Variants in COX7B2 observed in about 807,000 individuals in gnomAD.
COX7B2 encodes the protein cytochrome c oxidase subunit 7B2, also known as cytochrome c oxidase subunit 7B2, mitochondrial.
For synonymous variants in COX7B2, 37 were observed against 32.1 expected (o/e 1.15, Z -0.51); for missense variants, 109 against 95.9 (o/e 1.14, Z -0.57).
chr4:46,773,616 A>G (rs960747584), intron 2 of COX7B2, among the ~76,000 whole-genome samples: 6 of 152,150 alleles, frequency 3.9e-5, no homozygotes, highest in African/African-American at 1.4e-4. Context: ...AATGTTGGGG[A>G]AAAATAAGCT....
rs181465161 is a variant in COX7B2, at chr4:46,868,799, C to T, written c.-104-23785G>A. On this transcript the variant is annotated intron_variant, in intron 1 of 2. Coordinates refer to ENST00000355591, the MANE Select transcript of COX7B2 (RefSeq NM_130902.3). ...ATTGTTTTATGTCCAATTATGTGGT[C>T]GGTTTTAGAGTAAGTGGCATGTGGC... Among the ~76,000 whole-genome samples, 11 of 152,122 alleles carry T rather than the reference C, an allele frequency of 7.2e-5. No homozygotes were observed. The South Asian group carries it at 1.3e-3, about 17-fold the overall frequency.
rs566216403 is a variant in COX7B2, at chr4:46,813,933, A to C, written c.-50+31027T>G. On this transcript the variant is annotated intron_variant, in intron 2 of 2. Coordinates refer to ENST00000355591, the MANE Select transcript of COX7B2 (RefSeq NM_130902.3). ...AGTGGCCAAGAAATATATGAAAAAA[A>C]GTTCAATATCGCTAATCCTCAGAGA... is the stretch of plus-strand genomic sequence containing the variant. Among the ~76,000 whole-genome samples, 28 of 152,306 alleles carry C rather than the reference A, an allele frequency of 1.8e-4. 1 individual carries two copies. The highest frequency in any genetic ancestry group is 6.0e-4 in the African/African-American group (25 of 41,592).
At chr4:46,750,745 A>C (rs1040410156) in intron 2 of COX7B2, among the ~76,000 whole-genome samples, 1 of 152,176 alleles carries the variant, frequency 6.6e-6, no homozygotes, top group African/African-American at 2.4e-5. Flanking sequence ...ATCAAGGTCC[A>C]GCAGGGTTGT....
intron 2 of COX7B2, among the ~76,000 whole-genome samples, chr4:46,794,146 A>C (rs1718199066): frequency 6.6e-6 from 1 of 152,238 alleles, no homozygotes; most frequent in African/African-American, 2.4e-5. Flanking sequence ...TGAAACAACT[A>C]CTTGAGTTTT....
chr4:46,751,832 A>G (rs1715399822), intron 2 of COX7B2, among the ~76,000 whole-genome samples: 1 of 149,838 alleles, frequency 6.7e-6, no homozygotes, highest in African/African-American at 2.4e-5. Context: ...GTAGTAGTAT[A>G]GTTTGAAGCC....
At chr4:46,858,997 C>A (rs116187221) in intron 1 of COX7B2, among the ~76,000 whole-genome samples, 1 of 152,252 alleles carries the variant, frequency 6.6e-6, no homozygotes, top group Non-Finnish European at 1.5e-5. Context: ...AAAGTCAGAA[C>A]CTCAAACTAG....
At chr4:46,832,139 A>G (rs1261661841) in intron 2 of COX7B2, among the ~76,000 whole-genome samples, 1 of 152,146 alleles carries the variant, frequency 6.6e-6, no homozygotes, top group Non-Finnish European at 1.5e-5. Flanking sequence ...CACACCGTGG[A>G]AGGTTTGTTC....
chr4:46,793,759 C>T (rs889214035), intron 2 of COX7B2, among the ~76,000 whole-genome samples: 3 of 152,186 alleles, frequency 2.0e-5, no homozygotes, highest in Non-Finnish European at 2.9e-5. Flanking sequence ...CCCCCAGCCT[C>T]ATAGGCCAGA....
intron 2 of COX7B2, among the ~76,000 whole-genome samples, chr4:46,822,304 G>A (rs897224537): frequency 6.6e-6 from 1 of 152,054 alleles, no homozygotes; most frequent in African/African-American, 2.4e-5. Context: ...CTAACATGGC[G>A]TAAGCCTCAA....
At chr4:46,888,649 T>C (rs10012295) in intron 1 of COX7B2, among the ~76,000 whole-genome samples, 38,972 of 151,952 alleles carry the variant, frequency 0.26, 5,429 homozygotes, top group East Asian at 0.38. Context: ...GGTTTCACCA[T>C]GTTAGTCAGG....
chr4:46,803,562 A>T (rs1718783402), intron 2 of COX7B2, among the ~76,000 whole-genome samples: 1 of 152,042 alleles, frequency 6.6e-6, no homozygotes, highest in Non-Finnish European at 1.5e-5. Context: ...CTATGTAATT[A>T]TATGCTTACA....
chr4:46,901,745 C>G (rs904171812), intron 1 of COX7B2, among the ~76,000 whole-genome samples: 2 of 152,192 alleles, frequency 1.3e-5, no homozygotes, highest in Non-Finnish European at 2.9e-5. Flanking sequence ...AGCCAACTCT[C>G]TCTCTCTTTA....
In COX7B2 at chr4:46,794,866, C is replaced by T. The variant is rs115910229; in HGVS notation, c.-50+50094G>A. ...TAAATTCTTTCTTGATCTGCAGAAG[C>T]AGAAAAGTTCAAGGTCAAGTGAACA... On this transcript the variant is annotated intron_variant, in intron 2 of 2. Coordinates refer to ENST00000355591, the MANE Select transcript of COX7B2 (RefSeq NM_130902.3). Among the ~76,000 whole-genome samples, 795 of 152,234 alleles carry T rather than the reference C, an allele frequency of 5.2e-3. 9 individuals carry two copies. Among genetic ancestry groups the T allele is most frequent in the African/African-American group, 0.018 (758 of 41,544 alleles).
intron 2 of COX7B2, among the ~76,000 whole-genome samples, chr4:46,786,732 T>C (rs1198662810): frequency 2.0e-5 from 3 of 152,076 alleles, no homozygotes; most frequent in East Asian, 3.9e-4. Context: ...ACTGACGAGA[T>C]TATGTCAGAT....
Position 46,829,100 on chromosome 4 carries a change from C to T in COX7B2, c.-50+15860G>A, listed in dbSNP as rs148549830. On this transcript the variant is annotated intron_variant, in intron 2 of 2. Transcript: ENST00000355591. ...GTCTTTCTGCATATTAAAATGGATA[C>T]AGCATTCCTTGGGAAACATCAAAGT... is the stretch of plus-strand genomic sequence containing the variant. Among the ~76,000 whole-genome samples the T allele has an allele frequency of 8.2e-3, 1,244 of 152,244 alleles. 18 individuals are homozygous for T. Among genetic ancestry groups the T allele is most frequent in the African/African-American group, 0.028 (1,184 of 41,556 alleles).
At chr4:46,842,649 G>A (rs1716011411) in intron 2 of COX7B2, among the ~76,000 whole-genome samples, 2 of 152,002 alleles carry the variant, frequency 1.3e-5, no homozygotes, top group Admixed American at 6.6e-5. Flanking sequence ...AGAACATGCG[G>A]TGTTTGGTTT....
At chr4:46,871,955 G>T (rs985408104) in intron 1 of COX7B2, among the ~76,000 whole-genome samples, 4 of 152,106 alleles carry the variant, frequency 2.6e-5, no homozygotes, top group African/African-American at 9.7e-5. Context: ...ATTCAACCCA[G>T]CAATCCTATT....
At chr4:46,903,369 T>C (rs1007915234) in intron 1 of COX7B2, among the ~76,000 whole-genome samples, 7 of 152,140 alleles carry the variant, frequency 4.6e-5, no homozygotes, top group African/African-American at 1.2e-4. Context: ...CGGTCAATGA[T>C]GGACTGTCCT....
chr4:46,737,756 G>A (rs1238821948), intron 2 of COX7B2, among the ~76,000 whole-genome samples: 1 of 152,016 alleles, frequency 6.6e-6, no homozygotes, highest in Non-Finnish European at 1.5e-5. Context: ...CTTAACTGTG[G>A]CCCAAACATA....
Sources: gnomAD v4.1 joint callset for allele counts (sites outside exome capture counted in the v4.1 genomes callset) on GRCh38, gnomAD v4.1.1 for gene constraint, MANE v1.5 for transcripts, NCBI Gene and HGNC (gene_info 2026-07-23, HGNC 2026-07-21) for gene names.